NDUFAF2: variants seen among roughly 807,000 people sequenced by gnomAD.
NDUFAF2 encodes the protein NADH dehydrogenase [ubiquinone] 1 alpha subcomplex assembly factor 2.
In NDUFAF2, 13 loss-of-function variants were observed where a neutral mutation model predicts 22.8. The observed-to-expected ratio is 0.57, with a 90% CI of 0.37 to 0.91. The LOEUF (loss-of-function observed/expected upper bound fraction) is 0.91, where lower values mean the gene tolerates loss of function less well. Ranked by LOEUF, NDUFAF2 falls within the 40% of genes least tolerant of loss-of-function variation. The pLI, the probability that NDUFAF2 is intolerant of heterozygous loss-of-function variation, is 0.01. For synonymous variants in NDUFAF2, 53 were observed against 64.2 expected, an observed-to-expected ratio of 0.83 and a Z score of 0.84; for missense variants, 162 against 195.2, an observed-to-expected ratio of 0.83 and a Z score of 1.01.
chr5:60,956,622 A>G (rs1750619276), intron 1 of NDUFAF2, among the ~76,000 whole-genome samples: 1 of 152,050 alleles, frequency 6.6e-6, no homozygotes. Flanking sequence ...TTTGTCCTTC[A>G]TTTTGTTGAT....
intron 1 of NDUFAF2, among the ~76,000 whole-genome samples, chr5:60,949,928 T>C (rs370307451): frequency 2.4e-4 from 37 of 152,336 alleles, no homozygotes; most frequent in African/African-American, 8.7e-4. Context: ...ATGTTGAGCA[T>C]GTATCTTGCA....
intron 3 of NDUFAF2, among the ~76,000 whole-genome samples, chr5:61,101,629 A>T (rs1244176614): frequency 6.6e-6 from 1 of 151,978 alleles, no homozygotes; most frequent in East Asian, 1.9e-4. Flanking sequence ...TTTTTTCCAG[A>T]TCTTTTAGTG....
At chr5:61,054,369 A>T (rs1164398083) in intron 1 of NDUFAF2, among the ~76,000 whole-genome samples, 1 of 152,226 alleles carries the variant, frequency 6.6e-6, no homozygotes, top group Non-Finnish European at 1.5e-5. Context: ...AAGGAAATGC[A>T]GTTCAGGCCT....
intron 1 of NDUFAF2, among the ~76,000 whole-genome samples, chr5:61,031,753 G>T (rs529301277): frequency 1.6e-4 from 25 of 152,266 alleles, no homozygotes; most frequent in African/African-American, 4.8e-4. Context: ...TAATGGGATT[G>T]CTGGGTCAAA....
intron 1 of NDUFAF2, among the ~76,000 whole-genome samples, chr5:61,022,867 A>G (rs187219576): frequency 6.7e-6 from 1 of 149,704 alleles, no homozygotes; most frequent in East Asian, 2.0e-4. Flanking sequence ...CTGGTCTTGA[A>G]CTCCTCACCT....
rs537538604 is a variant in NDUFAF2, at chr5:61,093,789, G to A, written c.218-5203G>A. On this transcript the variant is annotated intron_variant, in intron 2 of 3. Transcript: ENST00000296597. ...ATTCTGGCCTCATAGAATGAGTTAG[G>A]GAGGAGTCCCTCTTTTTTAATTTTT... is the stretch of plus-strand genomic sequence containing the variant. Among the ~76,000 whole-genome samples, 4 of 152,256 alleles carry A rather than the reference G, an allele frequency of 2.6e-5. No homozygotes were observed. In the South Asian group the frequency reaches 8.3e-4, roughly 32 times the overall value.
At chr5:61,068,532 A>G (rs1291373083) in intron 1 of NDUFAF2, among the ~76,000 whole-genome samples, 1 of 152,172 alleles carries the variant, frequency 6.6e-6, no homozygotes, top group East Asian at 1.9e-4. Context: ...TTGTGTATTT[A>G]TAATCTATTA....
intron 1 of NDUFAF2, among the ~76,000 whole-genome samples, chr5:60,984,710 A>C (rs1342699763): frequency 6.6e-6 from 1 of 152,054 alleles, no homozygotes; most frequent in Non-Finnish European, 1.5e-5. Flanking sequence ...TGTTTTTTGT[A>C]TGTTGAACCA....
intron 3 of NDUFAF2, among the ~76,000 whole-genome samples, chr5:61,130,020 A>G (rs1753089280): frequency 6.6e-6 from 1 of 152,138 alleles, no homozygotes; most frequent in South Asian, 2.1e-4. Context: ...ATTCTCAAGA[A>G]TTATTCTAGA....
At position 61,072,853 on chromosome 5, in the gene NDUFAF2, C is replaced by T. The variant is rs191756189; in HGVS notation, c.128-272C>T. Among the ~76,000 whole-genome samples, 7 of 152,216 alleles carry T rather than the reference C, an allele frequency of 4.6e-5. No homozygotes were observed. The East Asian group carries it at 5.8e-4, about 13-fold the overall frequency. On this transcript the variant is annotated intron_variant, in intron 1 of 3. Transcript: ENST00000296597. ...CTGAGCTCAGGCGATCCACCCACCT[C>T]GGCCTCCCAAAGTGCTGGGATTACA...
intron 2 of NDUFAF2, among the ~76,000 whole-genome samples, chr5:61,098,085 A>T (rs1752666009): frequency 6.6e-6 from 1 of 152,190 alleles, no homozygotes; most frequent in Admixed American, 6.5e-5. Context: ...AGATTTATTG[A>T]ATAATAGTAA....
At position 61,057,988 on chromosome 5, in the gene NDUFAF2, A is replaced by C. The variant is rs77751855; in HGVS notation, c.128-15137A>C. ...TGAGAACTAATGTACCACAAAATGC[A>C]ATCTGTTTATTTTTATTAAATTATT... is the stretch of plus-strand genomic sequence containing the variant. On this transcript the variant is annotated intron_variant, in intron 1 of 3. Transcript: ENST00000296597. 5.9e-5 allele frequency among the ~76,000 whole-genome samples: 9 copies of C among 152,306 alleles called. No individual in the cohort carries two copies. In the South Asian group the frequency reaches 1.9e-3, roughly 32 times the overall value.
chr5:61,127,867 G>A lies in NDUFAF2; in HGVS notation c.259-24837G>A, dbSNP rs1010183099. ...GGAAGTCAAATTGTCCCTGTTTGCAGATGACATGATTGTATATCTAGAAAA... is the reference window on the plus strand; with the variant it reads ...GGAAGTCAAATTGTCCCTGTTTGCAAATGACATGATTGTATATCTAGAAAA... On this transcript the variant is annotated intron_variant, in intron 3 of 3. Transcript: ENST00000296597. Among the ~76,000 whole-genome samples, 75 of 152,166 alleles carry A rather than the reference G, an allele frequency of 4.9e-4. 1 individual carries two copies. Among genetic ancestry groups the A allele is most frequent in the Admixed American group, 5.2e-4 (8 of 15,270 alleles).
chr5:60,992,638 TG>T (rs1317638339), intron 1 of NDUFAF2, among the ~76,000 whole-genome samples: 1 of 152,222 alleles, frequency 6.6e-6, no homozygotes, highest in Non-Finnish European at 1.5e-5. Context: ...TTGTACCTTC[TG>T]GTGATTATTT....
intron 2 of NDUFAF2, among the ~76,000 whole-genome samples, chr5:61,080,737 A>G (rs1361634855): frequency 6.6e-6 from 1 of 152,144 alleles, no homozygotes; most frequent in East Asian, 1.9e-4. Flanking sequence ...TATCATAGAT[A>G]TAAGTCCTTT....
chr5:61,025,131 A>C (rs1315271279), intron 1 of NDUFAF2, among the ~76,000 whole-genome samples: 1 of 151,876 alleles, frequency 6.6e-6, no homozygotes, highest in African/African-American at 2.4e-5. Flanking sequence ...ACTATGTTTT[A>C]ATATTTTTTT....
intron 2 of NDUFAF2, among the ~76,000 whole-genome samples, chr5:61,081,816 G>A (rs1026365273): frequency 6.6e-6 from 1 of 152,170 alleles, no homozygotes; most frequent in Non-Finnish European, 1.5e-5. Flanking sequence ...TCTTCCTGTT[G>A]TGATAAAAAT....
At chr5:61,131,755 A>T (rs1384653274) in intron 3 of NDUFAF2, among the ~76,000 whole-genome samples, 1 of 152,188 alleles carries the variant, frequency 6.6e-6, no homozygotes, top group Non-Finnish European at 1.5e-5. Flanking sequence ...TTTATCTATA[A>T]TTATAAACAT....
intron 1 of NDUFAF2, among the ~76,000 whole-genome samples, chr5:61,005,555 C>T (rs1751355338): frequency 6.6e-6 from 1 of 152,242 alleles, no homozygotes; most frequent in Admixed American, 6.5e-5. Context: ...GTCCCACCAA[C>T]AGTGTAAAAG....
Sources: gnomAD v4.1 joint callset for allele counts (sites outside exome capture counted in the v4.1 genomes callset) on GRCh38, gnomAD v4.1.1 for gene constraint, MANE v1.5 for transcripts, NCBI Gene and HGNC (gene_info 2026-07-23, HGNC 2026-07-21) for gene names.